CD163L1: variants seen among roughly 807,000 people sequenced by gnomAD.
The protein encoded by CD163L1 is CD163 molecule like 1, also known as scavenger receptor cysteine-rich type 1 protein M160.
CD163L1 carries 124 observed loss-of-function variants against 165.4 expected under a neutral mutation model. The ratio of observed to expected loss-of-function variants is 0.75; its 90% confidence interval spans 0.65 to 0.87. CD163L1 has a LOEUF of 0.87. CD163L1 is among the 40% of genes least tolerant of loss of function. The probability of loss-of-function intolerance (pLI) is 0.00; values close to 1 mark genes in which losing one functional copy is unlikely to be tolerated. For missense variants in CD163L1, 1,525 were observed against 1,799.9 expected, an observed-to-expected ratio of 0.85 and a Z score of 2.76; for synonymous variants, 585 against 662.2, an observed-to-expected ratio of 0.88 and a Z score of 1.79.
Position 7,432,523 on chromosome 12 carries a change from T to C in CD163L1, c.659A>G (p.Asp220Gly). The change falls in exon 4 of 20, where the codon GAT (aspartate) becomes GGT (glycine). Residue 220 changes from aspartate to glycine, a missense_variant. Physicochemically the swap from Asp to Gly is moderately conservative, Grantham distance 94. Transcript: ENST00000313599. The surrounding 1 kb of genome is among the most constrained non-coding windows in gnomAD (Gnocchi z 4.2). ...SPAVLRPIWL[D>G]DILCQGNELA... is the part of the protein sequence containing the mutation. ...CTCATTCCCCTGGCATAAAATGTCA[T>C]CCAGCCAAATGGGGCGCAATACAGC... 6.2e-7 allele frequency: 1 copy of C among 1,614,160 alleles called. No homozygotes were observed. The highest frequency in any genetic ancestry group is 1.3e-5 in the African/African-American group (1 of 75,022).
chr12:7,333,392 T>C, the CD163L1 span, among the ~76,000 whole-genome samples: 1 of 152,158 alleles, frequency 6.6e-6, no homozygotes, highest in Admixed American at 6.6e-5. Context: ...GAATGACTAC[T>C]GGGTACATAA....
chr12:7,431,315 G>A (rs2136628597), intron 4 of CD163L1, among the ~76,000 whole-genome samples: 1 of 152,082 alleles, frequency 6.6e-6, no homozygotes, highest in Admixed American at 6.5e-5. Context: ...TACTCAGGAA[G>A]CTGAGGCAGA....
At chr12:7,422,465 C>A (rs911937445) in intron 4 of CD163L1, among the ~76,000 whole-genome samples, 3 of 151,878 alleles carry the variant, frequency 2.0e-5, no homozygotes, top group East Asian at 1.9e-4. Flanking sequence ...AACGAGGCTT[C>A]AGAAGGTGGG....
At chr12:7,355,795 C>T (rs1361106468) in intron 19 of CD163L1, among the ~76,000 whole-genome samples, 1 of 152,050 alleles carries the variant, frequency 6.6e-6, no homozygotes, top group African/African-American at 2.4e-5. Context: ...AAGGGATGAC[C>T]ATCTGAGGGC....
chr12:7,367,027 C>A (rs968426041), intron 18 of CD163L1, among the ~76,000 whole-genome samples: 2 of 152,142 alleles, frequency 1.3e-5, no homozygotes, highest in African/African-American at 4.8e-5. Flanking sequence ...AAATATGACA[C>A]TGAGGATGAA....
chr12:7,444,139 C>G lies in CD163L1; in HGVS notation c.-12G>C. 1 of 1,613,698 alleles carries G rather than the reference C, an allele frequency of 6.2e-7. No homozygotes were observed. The highest frequency in any genetic ancestry group is 8.5e-7 in the Non-Finnish European group (1 of 1,179,720). On this transcript the variant is annotated 5_prime_UTR_variant, in exon 1 of 20. Coordinates refer to ENST00000313599, the MANE Select transcript of CD163L1 (RefSeq NM_174941.6). The stretch of plus-strand genomic sequence containing the variant: ...TGAGGCAGCATCATTATGGGTCTAT[C>G]TCTTCCTGAGTCCTGATGTAACTCC...
chr12:7,439,439 G>T (rs10772330), intron 2 of CD163L1: 1,062,915 of 1,585,692 alleles, frequency 0.67, 374,796 homozygotes, highest in Non-Finnish European at 0.74. Flanking sequence ...TCCAGGTCTG[G>T]TTTGGACTTG....
intron 18 of CD163L1, 97 bp from the exon 19 acceptor site, chr12:7,357,583 T>C: frequency 1.1e-6 from 1 of 917,842 alleles, no homozygotes; most frequent in Non-Finnish European, 1.7e-6. Context: ...TGGGAAAGTA[T>C]AATAGAGCAA....
intron 8 of CD163L1, among the ~76,000 whole-genome samples, chr12:7,388,491 C>T (rs1947568946): frequency 6.6e-6 from 1 of 151,638 alleles, no homozygotes. Flanking sequence ...GCCTATAATC[C>T]CAGCATTTTG....
the CD163L1 span, among the ~76,000 whole-genome samples, chr12:7,339,621 G>A: frequency 6.6e-5 from 10 of 152,116 alleles, no homozygotes; most frequent in Non-Finnish European, 1.2e-4. Context: ...TTCAAAGTGT[G>A]TGCATGACCT....
chr12:7,321,713 C>T, the CD163L1 span, among the ~76,000 whole-genome samples: 6 of 152,178 alleles, frequency 3.9e-5, no homozygotes, highest in Non-Finnish European at 8.8e-5. Context: ...CACCTGTGTC[C>T]AGTAAGGCTA....
intron 4 of CD163L1, among the ~76,000 whole-genome samples, chr12:7,421,061 ATATG>A (rs1208875103): frequency 0.036 from 3,829 of 107,356 alleles, 79 homozygotes; most frequent in Admixed American, 0.091. Context: ...ATATACGTAT[ATATG>A]TATATATACG....
chr12:7,338,401 T>C, the CD163L1 span, among the ~76,000 whole-genome samples: 2 of 152,222 alleles, frequency 1.3e-5, no homozygotes, highest in Admixed American at 1.3e-4. Flanking sequence ...ACACAGGAGA[T>C]ATTCCTGACA....
At chr12:7,440,043 G>C (rs1182887691) in intron 2 of CD163L1, 8 of 1,265,244 alleles carry the variant, frequency 6.3e-6, no homozygotes, top group Middle Eastern at 2.5e-4. Flanking sequence ...CACCCCAGCA[G>C]CTCCTCGCGT....
At position 7,406,766 on chromosome 12, in the gene CD163L1, TC is replaced by T; in HGVS notation, c.852del (p.Thr285ProfsTer75). 1 of 1,613,936 alleles carries T rather than the reference TC, an allele frequency of 6.2e-7. No homozygotes were observed. Among genetic ancestry groups the T allele is most frequent in the Non-Finnish European group, 8.5e-7 (1 of 1,179,956 alleles). On this transcript the variant is annotated frameshift_variant, in exon 5 of 20. Coordinates refer to ENST00000313599, the MANE Select transcript of CD163L1 (RefSeq NM_174941.6). LOFTEE classifies it high-confidence loss of function. Reference sequence around the variant, plus strand: ...TTGTTCCACTTATGGTGGCATACGGTCCCCCACCTTCCTTGGATTTTCAGCT... The same window carrying T: ...TTGTTCCACTTATGGTGGCATACGGTCCCCACCTTCCTTGGATTTTCAGCT... The part of the protein sequence containing the change: ...RVELKIQGRW[G>X]TVCHHKWNNA...
the CD163L1 span, among the ~76,000 whole-genome samples, chr12:7,322,252 AC>A: frequency 7.2e-5 from 11 of 152,164 alleles, no homozygotes; most frequent in Non-Finnish European, 1.5e-4. Flanking sequence ...TATGCCTAGA[AC>A]AATGTCTGGC....
At chr12:7,413,626 T>C (rs1948180880) in intron 4 of CD163L1, among the ~76,000 whole-genome samples, 1 of 152,212 alleles carries the variant, frequency 6.6e-6, no homozygotes. Context: ...GTTCCATAGA[T>C]AACTTGTGTG....
At chr12:7,360,664 T>C (rs1351573727) in intron 18 of CD163L1, among the ~76,000 whole-genome samples, 4 of 152,190 alleles carry the variant, frequency 2.6e-5, no homozygotes, top group Non-Finnish European at 5.9e-5. Context: ...GATTGCTTCT[T>C]TCCTGAAAAG....
rs1947204976 is a variant in CD163L1, at chr12:7,374,226, A to G, written c.3409+216T>C. Among the ~76,000 whole-genome samples, 2 of 152,260 alleles carry G rather than the reference A, an allele frequency of 1.3e-5. No individual in the cohort carries two copies. Among genetic ancestry groups the G allele is most frequent in the African/African-American group, 4.8e-5 (2 of 41,474 alleles). On this transcript the variant is annotated intron_variant, in intron 13 of 19. Coordinates refer to ENST00000313599, the MANE Select transcript of CD163L1 (RefSeq NM_174941.6). The surrounding 1 kb of genome is among the most constrained non-coding windows in gnomAD (Gnocchi z 5.4). ...TCTAACATTCTCTGACAGTAAGACC[A>G]ATCTTTTATTCTTCTCAGTTATGAA...
Sources: allele counts gnomAD v4.1 joint callset (sites outside exome capture counted in the v4.1 genomes callset), GRCh38; gene constraint gnomAD v4.1.1; non-coding constraint Gnocchi (gnomAD v3.1); transcripts MANE v1.5; gene names NCBI Gene and HGNC (gene_info 2026-07-23, HGNC 2026-07-21).